Variants in MSL3B observed in about 807,000 individuals in gnomAD.
MSL3B encodes the protein MSL complex subunit 3B, also known as MSL complex subunit 3 pseudogene 1.
the MSL3B span, chr2:233,866,845 T>G: frequency 1.1e-5 from 13 of 1,200,406 alleles, no homozygotes; most frequent in Non-Finnish European, 1.6e-5. Context: ...CAGTCACCTT[T>G]TTATACTGAG....
chr2:233,866,165 T>C, the MSL3B span: 34 of 625,702 alleles, frequency 5.4e-5, no homozygotes, highest in Non-Finnish European at 9.7e-5. Context: ...GGTGCTGTAA[T>C]GCACCTCAGA....
At chr2:233,867,561 C>A in the MSL3B span, 12 of 226,486 alleles carry the variant, frequency 5.3e-5, no homozygotes. Context: ...CTGCAACCTC[C>A]GCCTCCCGGG....
At chr2:233,866,350 G>C in the MSL3B span, 34 of 837,174 alleles carry the variant, frequency 4.1e-5, no homozygotes, top group Non-Finnish European at 6.3e-5. Flanking sequence ...CCCCGTAAAT[G>C]TAAGAGGGTG....
chr2:233,866,744 G>A, the MSL3B span: 5 of 798,188 alleles, frequency 6.3e-6, no homozygotes. Context: ...CGGCCTGGAT[G>A]GATTCAACAA....
At chr2:233,865,837 T>C in the MSL3B span, 1 of 256,174 alleles carries the variant, frequency 3.9e-6, no homozygotes, top group Non-Finnish European at 7.6e-6. Flanking sequence ...GCCTAACCTA[T>C]GTACACTTCC....
the MSL3B span, chr2:233,866,645 C>T: frequency 2.3e-5 from 18 of 793,324 alleles, no homozygotes; most frequent in Middle Eastern, 2.2e-4. Context: ...GGGCGAGGAC[C>T]GCCTCAGAGA....
the MSL3B span, chr2:233,866,317 A>T: frequency 1.2e-6 from 1 of 800,692 alleles, no homozygotes; most frequent in Non-Finnish European, 2.3e-6. Flanking sequence ...GAAGTTTGAC[A>T]AACAATCGCA....
chr2:233,866,076 T>G, the MSL3B span: 79 of 466,774 alleles, frequency 1.7e-4, no homozygotes, highest in South Asian at 1.1e-3. Context: ...ATTTTTTACC[T>G]GGAACTCAGA....
At chr2:233,866,829 T>C in the MSL3B span, 1,932 of 1,021,364 alleles carry the variant, frequency 1.9e-3, 22 homozygotes, top group African/African-American at 0.024. Context: ...AGAAAAACCT[T>C]AGATGCAGTC....
At chr2:233,867,833 C>T in the MSL3B span, among the ~76,000 whole-genome samples, 4 of 146,940 alleles carry the variant, frequency 2.7e-5, no homozygotes, top group Non-Finnish European at 6.0e-5. Context: ...CACCCTGCCG[C>T]CCAGGCTAGA....
the MSL3B span, chr2:233,867,467 C>CTTTT: frequency 5.9e-6 from 2 of 336,870 alleles, no homozygotes; most frequent in African/African-American, 2.2e-5. Flanking sequence ...CTACGAATTT[C>CTTTT]TTTCTTTCTT....
the MSL3B span, chr2:233,866,528 T>C: frequency 8.6e-7 from 1 of 1,163,428 alleles, no homozygotes; most frequent in Non-Finnish European, 1.3e-6. Flanking sequence ...TGTCTTCTTT[T>C]CCAGGTGCAG....
At chr2:233,865,350 A>T in the MSL3B span, 1 of 152,114 alleles carries the variant, frequency 6.6e-6, no homozygotes, top group African/African-American at 2.4e-5. Flanking sequence ...TTTTGTCAAG[A>T]CTTTCAAATT....
At chr2:233,865,537 G>A in the MSL3B span, 3 of 152,272 alleles carry the variant, frequency 2.0e-5, no homozygotes, top group Admixed American at 6.5e-5. Flanking sequence ...CTGTAAAATT[G>A]CAAACAAGAA....
At chr2:233,866,661 C>T in the MSL3B span, 2 of 789,004 alleles carry the variant, frequency 2.5e-6, no homozygotes, top group South Asian at 2.7e-5. Flanking sequence ...AGAGACTGCA[C>T]TGCTTGCGGC....
At chr2:233,865,946 A>G in the MSL3B span, 1 of 340,328 alleles carries the variant, frequency 2.9e-6, no homozygotes, top group South Asian at 2.4e-5. Context: ...CACCTAGGAA[A>G]TAATTCTAAA....
the MSL3B span, chr2:233,868,248 C>A: frequency 4.5e-5 from 17 of 378,828 alleles, no homozygotes; most frequent in Admixed American, 4.5e-4. Flanking sequence ...GGACGGCGTC[C>A]GACGGGAGCG....
the MSL3B span, chr2:233,866,836 A>C: frequency 9.3e-7 from 1 of 1,069,874 alleles, no homozygotes. Flanking sequence ...CCTTAGATGC[A>C]GTCACCTTTT....
At chr2:233,866,126 C>T in the MSL3B span, 2 of 586,112 alleles carry the variant, frequency 3.4e-6, no homozygotes, top group Non-Finnish European at 6.7e-6. Context: ...ACAGAACCAT[C>T]AACACTTATT....
Sources: gnomAD v4.1 joint callset for allele counts (sites outside exome capture counted in the v4.1 genomes callset) on GRCh38, gnomAD v4.1.1 for gene constraint, MANE v1.5 for transcripts, NCBI Gene and HGNC (gene_info 2026-07-23, HGNC 2026-07-21) for gene names.